The following UVRAG variants were observed in gnomAD, a reference collection of about 807,000 sequenced individuals.
UVRAG encodes UV radiation resistance associated.
A neutral mutation model predicts 78.0 loss-of-function variants in UVRAG; 19 were observed. That is an observed-to-expected ratio of 0.24 (90% CI 0.17 to 0.36). The LOEUF is 0.36. Among genes scored for constraint, UVRAG ranks in the 10% least tolerant of loss-of-function variants. UVRAG has a pLI of 1.00. For missense variants in UVRAG, 740 were observed against 853.8 expected (o/e 0.87, Z 1.66); for synonymous variants, 323 against 324.6 (o/e 1.00, Z 0.05).
intron 1 of UVRAG, among the ~76,000 whole-genome samples, chr11:75,850,022 G>C (rs919209159): frequency 6.6e-6 from 1 of 151,836 alleles, no homozygotes; most frequent in Non-Finnish European, 1.5e-5. Context: ...TGGCCACTTG[G>C]TGTTCACACC....
intron 13 of UVRAG, among the ~76,000 whole-genome samples, chr11:76,109,683 A>G (rs1186950546): frequency 1.3e-5 from 2 of 152,250 alleles, no homozygotes; most frequent in Non-Finnish European, 2.9e-5. Context: ...ATGAATGAAT[A>G]GAACGTGTGG....
chr11:76,063,853 A>G (rs943134845), intron 12 of UVRAG, among the ~76,000 whole-genome samples: 1 of 152,180 alleles, frequency 6.6e-6, no homozygotes, highest in Non-Finnish European at 1.5e-5. Context: ...AATAGGTTTT[A>G]CCCTTTAAAA....
At chr11:75,941,663 A>AT (rs1948486970) in intron 6 of UVRAG, among the ~76,000 whole-genome samples, 1 of 152,076 alleles carries the variant, frequency 6.6e-6, no homozygotes, top group African/African-American at 2.4e-5. Context: ...CATATCTGAC[A>AT]TTCCCCCCTG....
chr11:75,918,450 A>G (rs892941865), intron 6 of UVRAG, among the ~76,000 whole-genome samples: 1 of 152,120 alleles, frequency 6.6e-6, no homozygotes, highest in African/African-American at 2.4e-5. Context: ...TATCATGTAC[A>G]GGAGAAAGTT....
chr11:76,077,269 C>G (rs1413086343), intron 13 of UVRAG, among the ~76,000 whole-genome samples: 1 of 151,490 alleles, frequency 6.6e-6, no homozygotes, highest in Non-Finnish European at 1.5e-5. Context: ...AAGTTCTATT[C>G]TGTGTTTAAA....
chr11:75,875,382 T>C (rs1946744524), intron 3 of UVRAG, among the ~76,000 whole-genome samples: 1 of 152,218 alleles, frequency 6.6e-6, no homozygotes, highest in South Asian at 2.1e-4. Context: ...GGTGGATTTC[T>C]TGGTTGTCAG....
chr11:75,910,485 C>T (rs1430633984), intron 5 of UVRAG, among the ~76,000 whole-genome samples: 2 of 150,860 alleles, frequency 1.3e-5, no homozygotes, highest in African/African-American at 2.4e-5. Context: ...TGTGTACTCT[C>T]CCCACCCCCC....
At chr11:76,090,920 T>C (rs1291385260) in intron 13 of UVRAG, among the ~76,000 whole-genome samples, 3 of 152,224 alleles carry the variant, frequency 2.0e-5, no homozygotes, top group African/African-American at 7.2e-5. Flanking sequence ...TTTACCATAA[T>C]CCTAGGGATT....
At chr11:76,018,322 TAA>T (rs911178829) in intron 12 of UVRAG, among the ~76,000 whole-genome samples, 2 of 145,830 alleles carry the variant, frequency 1.4e-5, no homozygotes, top group African/African-American at 2.5e-5. Context: ...CTTGTTTCTT[TAA>T]AAAAAAAAAA....
chr11:76,005,785 G>C (rs1457928688), intron 9 of UVRAG, among the ~76,000 whole-genome samples: 1 of 152,230 alleles, frequency 6.6e-6, no homozygotes, highest in Non-Finnish European at 1.5e-5. Flanking sequence ...ATTTGCTAGA[G>C]CAGCTCACAG....
At chr11:76,066,764 A>T (rs978854499) in intron 13 of UVRAG, among the ~76,000 whole-genome samples, 1 of 151,998 alleles carries the variant, frequency 6.6e-6, no homozygotes, top group Non-Finnish European at 1.5e-5. Flanking sequence ...AGCCTTTAAA[A>T]CACCCAGCCT....
At chr11:75,980,751 G>A (rs986531454) in intron 7 of UVRAG, among the ~76,000 whole-genome samples, 2 of 148,898 alleles carry the variant, frequency 1.3e-5, no homozygotes, top group Admixed American at 6.7e-5. Context: ...GCGTGACCTC[G>A]ACTAACTGCA....
intron 11 of UVRAG, 23 bp downstream of exon 11, chr11:76,008,890 G>T: frequency 7.8e-7 from 1 of 1,286,774 alleles, no homozygotes; most frequent in Non-Finnish European, 1.1e-6. Flanking sequence ...TTATTTTGAA[G>T]ATTTGTTATA....
At chr11:76,138,531 C>T (rs1448703441) in intron 14 of UVRAG, among the ~76,000 whole-genome samples, 2 of 152,228 alleles carry the variant, frequency 1.3e-5, no homozygotes, top group African/African-American at 4.8e-5. Context: ...GGGCTACAAA[C>T]ACCCTGTTCC....
chr11:75,971,952 A>G (rs986710880), intron 7 of UVRAG, among the ~76,000 whole-genome samples: 7 of 152,216 alleles, frequency 4.6e-5, no homozygotes, highest in South Asian at 4.1e-4. Flanking sequence ...TGGCCTCCCA[A>G]TGTGCTGGTA....
At chr11:76,028,871 T>C (rs188457418) in intron 12 of UVRAG, among the ~76,000 whole-genome samples, 6 of 152,230 alleles carry the variant, frequency 3.9e-5, no homozygotes, top group Middle Eastern at 3.4e-3. Flanking sequence ...GCTAAGAGTA[T>C]TGATGCAGGT....
At chr11:76,076,926 AAAATC>A (rs1377042667) in intron 13 of UVRAG, among the ~76,000 whole-genome samples, 3 of 150,890 alleles carry the variant, frequency 2.0e-5, no homozygotes, top group African/African-American at 7.3e-5. Flanking sequence ...CTGAGATGGG[AAAATC>A]ACCTGAGTCC....
chr11:75,839,251 A>T (rs1429482475), intron 1 of UVRAG, among the ~76,000 whole-genome samples: 3 of 151,508 alleles, frequency 2.0e-5, no homozygotes, highest in Non-Finnish European at 2.9e-5. Context: ...ATTAATTAAA[A>T]TTTTTTCTTA....
intron 7 of UVRAG, among the ~76,000 whole-genome samples, chr11:75,981,572 ACT>A (rs1949394768): frequency 1.3e-5 from 2 of 151,918 alleles, no homozygotes; most frequent in African/African-American, 4.8e-5. Flanking sequence ...TGCCTCAGCC[ACT>A]GAGTCGTTGG....
Sources: allele counts gnomAD v4.1 joint callset (sites outside exome capture counted in the v4.1 genomes callset), GRCh38; gene constraint gnomAD v4.1.1; transcripts MANE v1.5; gene names NCBI Gene and HGNC (gene_info 2026-07-23, HGNC 2026-07-21).